Variants in RALYL observed in about 807,000 individuals in gnomAD.
RALYL encodes RALY RNA binding protein like, also known as RNA-binding Raly-like protein.
RALYL carries 29 observed loss-of-function variants against 35.1 expected under a neutral mutation model. That is an observed-to-expected ratio of 0.83 (90% confidence interval 0.61 to 1.13). The LOEUF is 1.13. RALYL is among the 50% of genes most tolerant of loss of function. The pLI is 0.00. For synonymous variants in RALYL, 120 were observed against 127.6 expected (o/e 0.94, Z 0.40); for missense variants, 359 against 360.4 (o/e 1.00, Z 0.03).
intron 1 of RALYL, among the ~76,000 whole-genome samples, chr8:84,416,385 G>C (rs2044699125): frequency 6.6e-6 from 1 of 152,170 alleles, no homozygotes; most frequent in South Asian, 2.1e-4. Context: ...GGTGGATAAA[G>C]GCCCAGGGGC....
chr8:84,372,899 T>TGTTTTG (rs1344104885), intron 1 of RALYL, among the ~76,000 whole-genome samples: 6 of 137,258 alleles, frequency 4.4e-5, no homozygotes, highest in African/African-American at 8.5e-5. Flanking sequence ...TTTTTTTTTT[T>TGTTTTG]TTTTTTTTTT....
intron 4 of RALYL, among the ~76,000 whole-genome samples, chr8:84,840,582 G>T (rs1212255995): frequency 6.6e-6 from 1 of 152,142 alleles, no homozygotes; most frequent in African/African-American, 2.4e-5. Context: ...ATCTAGCAAG[G>T]CAGGCCAACA....
At chr8:84,525,607 A>G (rs1004965776) in intron 1 of RALYL, among the ~76,000 whole-genome samples, 2 of 152,100 alleles carry the variant, frequency 1.3e-5, no homozygotes, top group African/African-American at 4.8e-5. Context: ...AGATTTATAT[A>G]TGTTTAACGG....
At chr8:84,254,207 CTAAGT>C (rs1830783648) in intron 1 of RALYL, among the ~76,000 whole-genome samples, 1 of 152,026 alleles carries the variant, frequency 6.6e-6, no homozygotes, top group Non-Finnish European at 1.5e-5. Context: ...TCAACACTAG[CTAAGT>C]TAATTTTATC....
intron 4 of RALYL, among the ~76,000 whole-genome samples, chr8:84,841,453 C>T (rs1402148282): frequency 6.6e-6 from 1 of 152,124 alleles, no homozygotes; most frequent in Non-Finnish European, 1.5e-5. Flanking sequence ...TACAGGAGCA[C>T]CCAGATTCAT....
chr8:84,229,144 A>C (rs1824719092), intron 1 of RALYL, among the ~76,000 whole-genome samples: 1 of 152,174 alleles, frequency 6.6e-6, no homozygotes. Flanking sequence ...TTAGTCAATT[A>C]ATCAATCAGC....
intron 1 of RALYL, among the ~76,000 whole-genome samples, chr8:84,453,340 A>C (rs1220913805): frequency 6.6e-6 from 1 of 152,002 alleles, no homozygotes; most frequent in Admixed American, 6.6e-5. Context: ...TACTTCAGAC[A>C]TGATATCTAT....
At chr8:84,578,625 C>A (rs1021761737) in intron 2 of RALYL, among the ~76,000 whole-genome samples, 1 of 152,044 alleles carries the variant, frequency 6.6e-6, no homozygotes, top group Admixed American at 6.6e-5. Context: ...GTGTCCAGAT[C>A]TCAGCAGAAA....
intron 4 of RALYL, among the ~76,000 whole-genome samples, chr8:84,818,057 T>C (rs1827757704): frequency 6.6e-6 from 1 of 152,158 alleles, no homozygotes; most frequent in African/African-American, 2.4e-5. Flanking sequence ...GAGAATCCAA[T>C]TCTCAGTTCA....
chr8:84,718,139 G>A (rs922352641), intron 2 of RALYL, among the ~76,000 whole-genome samples: 4 of 152,182 alleles, frequency 2.6e-5, no homozygotes, highest in Middle Eastern at 3.4e-3. Context: ...GTCTAGAAAA[G>A]CAAAATACTA....
At chr8:84,849,352 A>G (rs944360830) in intron 4 of RALYL, among the ~76,000 whole-genome samples, 2 of 152,136 alleles carry the variant, frequency 1.3e-5, no homozygotes, top group African/African-American at 2.4e-5. Flanking sequence ...CCACATTTCT[A>G]TTCACCATTT....
intron 1 of RALYL, among the ~76,000 whole-genome samples, chr8:84,389,397 G>T (rs551529341): frequency 6.6e-6 from 1 of 151,990 alleles, no homozygotes; most frequent in Admixed American, 6.6e-5. Flanking sequence ...TTGGTAGCTT[G>T]ATGGATATGG....
chr8:84,208,913 G>T (rs1818726638), intron 1 of RALYL, among the ~76,000 whole-genome samples: 2 of 151,704 alleles, frequency 1.3e-5, no homozygotes, highest in South Asian at 4.1e-4. Flanking sequence ...AGGAAGCCAG[G>T]GTAAAATAGA....
At chr8:84,268,242 T>G (rs1833685997) in intron 1 of RALYL, among the ~76,000 whole-genome samples, 1 of 152,168 alleles carries the variant, frequency 6.6e-6, no homozygotes, top group Non-Finnish European at 1.5e-5. Context: ...AGTGAGAGGT[T>G]CTTGAAACAG....
chr8:84,221,291 G>A (rs898121497), intron 1 of RALYL, among the ~76,000 whole-genome samples: 1 of 151,896 alleles, frequency 6.6e-6, no homozygotes, highest in East Asian at 1.9e-4. Context: ...AAGCGGGTGT[G>A]TGTGTGTGTG....
At chr8:84,789,393 A>G (rs977892817) in intron 3 of RALYL, among the ~76,000 whole-genome samples, 167 of 152,356 alleles carry the variant, frequency 1.1e-3, no homozygotes, top group African/African-American at 3.9e-3. Context: ...AGTGGCAAAG[A>G]CACTTATGAT....
chr8:84,574,936 T>C (rs1421850651), intron 2 of RALYL, among the ~76,000 whole-genome samples: 1 of 152,166 alleles, frequency 6.6e-6, no homozygotes, highest in Non-Finnish European at 1.5e-5. Context: ...ACGTGACATA[T>C]AAGGTAAAAG....
intron 1 of RALYL, among the ~76,000 whole-genome samples, chr8:84,187,382 T>C: frequency 6.6e-6 from 1 of 152,134 alleles, no homozygotes; most frequent in Non-Finnish European, 1.5e-5. Flanking sequence ...TGAATAACTT[T>C]TCATCATTGA....
chr8:84,920,514 G>C (rs879266415), intron 8 of RALYL, among the ~76,000 whole-genome samples: 3 of 151,964 alleles, frequency 2.0e-5, no homozygotes, highest in Non-Finnish European at 2.9e-5. Context: ...CTCGTAGTAG[G>C]GGTATCCTAT....
Sources: allele counts gnomAD v4.1 joint callset (sites outside exome capture counted in the v4.1 genomes callset), GRCh38; gene constraint gnomAD v4.1.1; transcripts MANE v1.5; gene names NCBI Gene and HGNC (gene_info 2026-07-23, HGNC 2026-07-21).